FXYD5: variants seen among roughly 807,000 people sequenced by gnomAD.
The protein encoded by FXYD5 is FXYD domain containing ion transport regulator 5, also known as FXYD domain-containing ion transport regulator 5.
In FXYD5, 21 loss-of-function variants were observed where a neutral mutation model predicts 25.7. The observed-to-expected ratio is 0.82, with a 90% CI of 0.58 to 1.18. FXYD5 has a LOEUF of 1.18. FXYD5 is among the 50% of genes most tolerant of loss of function. The pLI, the probability that FXYD5 is intolerant of heterozygous loss-of-function variation, is 0.00. For missense variants in FXYD5, 229 were observed against 227.7 expected (o/e 1.01, Z -0.04); for synonymous variants, 101 against 90.7 (o/e 1.11, Z -0.64).
chr19:35,159,415 A>G, intron 4 of FXYD5: 1 of 1,474,240 alleles, frequency 6.8e-7, no homozygotes, highest in Admixed American at 2.3e-5. Flanking sequence ...ATTGTTCTGC[A>G]GCTTGCTTTG....
chr19:35,156,581 G>A (rs958670701), intron 2 of FXYD5, among the ~76,000 whole-genome samples: 1 of 152,190 alleles, frequency 6.6e-6, no homozygotes, highest in Non-Finnish European at 1.5e-5. Flanking sequence ...GGAAATGAGG[G>A]AATGAGCTTT....
At chr19:35,163,184 C>A (rs1469845659) in intron 5 of FXYD5, among the ~76,000 whole-genome samples, 1 of 152,192 alleles carries the variant, frequency 6.6e-6, no homozygotes, top group Admixed American at 6.5e-5. Flanking sequence ...TGGTCTCTGC[C>A]GTGGATCTGG....
chr19:35,169,235 G>T (rs56050577), intron 8 of FXYD5, among the ~76,000 whole-genome samples: 9,384 of 152,142 alleles, frequency 0.062, 487 homozygotes, highest in East Asian at 0.26. Flanking sequence ...TTTTCTCCTT[G>T]TTGGTCTTTC....
chr19:35,155,434 T>A (rs1600497528), intron 1 of FXYD5, 117 bp from the exon 2 acceptor site: 1 of 818,242 alleles, frequency 1.2e-6, no homozygotes. Flanking sequence ...TGGCAGGGGG[T>A]CTTGGAAGCC....
chr19:35,155,951 C>A (rs1265472919), intron 2 of FXYD5, among the ~76,000 whole-genome samples: 1 of 152,312 alleles, frequency 6.6e-6, no homozygotes, highest in East Asian at 1.9e-4. Context: ...CTCCCAGAGT[C>A]CCCAGGCATT....
At chr19:35,165,568 C>A (rs2065443008) in intron 6 of FXYD5, among the ~76,000 whole-genome samples, 1 of 151,884 alleles carries the variant, frequency 6.6e-6, no homozygotes, top group African/African-American at 2.4e-5. Flanking sequence ...ATCAGCAAGG[C>A]CTTTATGACC....
intron 8 of FXYD5, among the ~76,000 whole-genome samples, chr19:35,169,241 C>T (rs1302720233): frequency 1.3e-5 from 2 of 152,282 alleles, no homozygotes; most frequent in East Asian, 1.9e-4. Context: ...CCTTGTTGGT[C>T]TTTCCCCATA....
chr19:35,166,130 C>T lies in FXYD5; in HGVS notation c.383-12C>T, dbSNP rs2145428189. The T allele has an allele frequency of 1.9e-6, 3 of 1,613,502 alleles. No individual in the cohort carries two copies. The highest frequency in any genetic ancestry group is 2.5e-6 in the Non-Finnish European group (3 of 1,179,732). ...TGCTGAACCCTGACTTGCTCTTTGT[C>T]TGCCTCTCCAGGTTTTCATGAGGAT... On this transcript the variant is annotated splice_polypyrimidine_tract_variant and intron_variant, in intron 6 of 8. Transcript: ENST00000392219.
At chr19:35,157,289 A>C (rs2065364668) in intron 2 of FXYD5, 132 bp from the exon 3 acceptor site, 1 of 583,308 alleles carries the variant, frequency 1.7e-6, no homozygotes, top group East Asian at 3.1e-5. Flanking sequence ...AGAATTATGG[A>C]TTGATGCAGC....
intron 5 of FXYD5, 31 bp downstream of exon 5, chr19:35,160,832 C>G (rs774145928): frequency 7.1e-7 from 1 of 1,409,362 alleles, no homozygotes; most frequent in African/African-American, 1.4e-5. Context: ...CAGCAGCCTA[C>G]GATTTTTGTT....
In FXYD5 at chr19:35,157,360, C is replaced by T. The variant is rs1231822359; in HGVS notation, c.62-61C>T. The T allele has an allele frequency of 7.4e-6, 6 of 815,642 alleles. 1 individual carries two copies. Among genetic ancestry groups the T allele is most frequent in the South Asian group, 2.7e-5 (2 of 72,790 alleles). The allele number at this position is 815,642 out of a possible 1,614,324, so 50.5% of individuals were successfully genotyped here. The stretch of plus-strand genomic sequence containing the variant: ...TAAGGTTTCACCAGGGAGGCGAGGG[C>T]GGGGGTGGTGAGAGGAGGGGGACCA... On this transcript the variant is annotated intron_variant, in intron 2 of 8. Transcript: ENST00000392219.
At chr19:35,164,746 T>C (rs1272751643) in intron 6 of FXYD5, among the ~76,000 whole-genome samples, 1 of 152,188 alleles carries the variant, frequency 6.6e-6, no homozygotes, top group Non-Finnish European at 1.5e-5. Flanking sequence ...AAATAGTCAC[T>C]GAGTACTTGT....
chr19:35,168,277 G>A (rs1490649930), intron 8 of FXYD5, among the ~76,000 whole-genome samples: 3 of 152,098 alleles, frequency 2.0e-5, no homozygotes, highest in African/African-American at 7.2e-5. Context: ...ACATCTGGTC[G>A]AAGATGATAA....
chr19:35,159,388 C>T, intron 4 of FXYD5: 1 of 1,356,332 alleles, frequency 7.4e-7, no homozygotes, highest in Non-Finnish European at 9.9e-7. Flanking sequence ...TTTGTGTGAG[C>T]TTAAGGAGAC....
chr19:35,159,576 G>C (rs1361504578), intron 4 of FXYD5: 2 of 1,550,600 alleles, frequency 1.3e-6, no homozygotes, highest in Admixed American at 2.0e-5. Flanking sequence ...GCTGTTTCCA[G>C]CTTTTTCTGT....
chr19:35,155,552 TGTCGCCCTCTG>T lies in FXYD5; in HGVS notation c.9_19del (p.Ser4_?7). On this transcript the variant is annotated frameshift_variant and start_lost and splice_region_variant, in exon 2 of 9. Transcript: ENST00000392219. LOFTEE classifies it high-confidence loss of function. ...CCCCAGCATCGCCTGGTCCCACAGA[TGTCGCCCTCTG>T]GTCGCCTGTGTCTTCTCACCATCGT... 8 of 1,609,834 alleles carry T rather than the reference TGTCGCCCTCTG, an allele frequency of 5.0e-6. No individual in the cohort carries two copies. Among genetic ancestry groups the T allele is most frequent in the Non-Finnish European group, 5.9e-6 (7 of 1,179,574 alleles).
At chr19:35,163,606 C>T (rs935780253) in intron 5 of FXYD5, among the ~76,000 whole-genome samples, 2 of 152,014 alleles carry the variant, frequency 1.3e-5, no homozygotes, top group Non-Finnish European at 2.9e-5. Flanking sequence ...CTCAGCCTCC[C>T]AAGTATCTGG....
rs140087598 is a variant in FXYD5, at chr19:35,155,566, C to A, written c.16C>A (p.Arg6Ser). The A allele has an allele frequency of 3.7e-6, 6 of 1,610,574 alleles. No homozygotes were observed. The highest frequency in any genetic ancestry group is 2.2e-5 in the South Asian group (2 of 91,074). Residue 6 changes from arginine (R) to serine (S), a missense_variant, in exon 2 of 9, where the codon CGC (arginine) becomes AGC (serine). By Grantham distance (110) the Arg-to-Ser change is moderately radical. Coordinates refer to ENST00000392219, the MANE Select transcript of FXYD5 (RefSeq NM_014164.6). MSPSGRLCLLTIVGLI... is the reference protein window; with the variant it reads MSPSGSLCLLTIVGLI... ...GGTCCCACAGATGTCGCCCTCTGGT[C>A]GCCTGTGTCTTCTCACCATCGTTGG...
Position 35,155,562 on chromosome 19 carries a change from T to C in FXYD5, c.12T>C (p.Ser4=). The C allele has an allele frequency of 6.2e-7, 1 of 1,610,574 alleles. No individual in the cohort carries two copies. Among genetic ancestry groups the C allele is most frequent in the Non-Finnish European group, 8.5e-7 (1 of 1,179,840 alleles). Residue 4 remains serine (S), a synonymous_variant, in exon 2 of 9, where the codon TCT becomes TCC. Coordinates refer to ENST00000392219, the MANE Select transcript of FXYD5 (RefSeq NM_014164.6). MSP[S]GRLCLLTIVG... ...GCCTGGTCCCACAGATGTCGCCCTCTGGTCGCCTGTGTCTTCTCACCATCG... is the reference window on the plus strand; with the variant it reads ...GCCTGGTCCCACAGATGTCGCCCTCCGGTCGCCTGTGTCTTCTCACCATCG...
Sources: allele counts gnomAD v4.1 joint callset (sites outside exome capture counted in the v4.1 genomes callset), GRCh38; gene constraint gnomAD v4.1.1; transcripts MANE v1.5; gene names NCBI Gene and HGNC (gene_info 2026-07-23, HGNC 2026-07-21).